Variants in MNAT1 observed in about 807,000 individuals in gnomAD.
The protein encoded by MNAT1 is MNAT1 component of CDK activating kinase, also known as CDK-activating kinase assembly factor MAT1.
In MNAT1, 43 loss-of-function variants were observed where a neutral mutation model predicts 42.0. That is an observed-to-expected ratio of 1.02 (90% confidence interval 0.80 to 1.32). The LOEUF is 1.32. Among genes scored for constraint, MNAT1 ranks in the 40% most tolerant of loss-of-function variants. The probability of loss-of-function intolerance (pLI) is 0.00; values close to 1 mark genes in which losing one functional copy is unlikely to be tolerated. For synonymous variants in MNAT1, 118 were observed against 120.0 expected (o/e 0.98, Z 0.11); for missense variants, 306 against 350.4 (o/e 0.87, Z 1.01).
At chr14:60,777,931 T>C (rs558444534) in intron 1 of MNAT1, among the ~76,000 whole-genome samples, 4 of 152,224 alleles carry the variant, frequency 2.6e-5, no homozygotes, top group Non-Finnish European at 5.9e-5. Context: ...CTGAATTTAA[T>C]AGGCTGGGTT....
At chr14:60,776,443 C>G (rs2031253040) in intron 1 of MNAT1, among the ~76,000 whole-genome samples, 1 of 151,922 alleles carries the variant, frequency 6.6e-6, no homozygotes, top group Non-Finnish European at 1.5e-5. Flanking sequence ...TGAGGCAGTC[C>G]AAGGAATTAA....
intron 7 of MNAT1, among the ~76,000 whole-genome samples, chr14:60,937,407 G>T (rs1206267482): frequency 6.6e-6 from 1 of 152,170 alleles, no homozygotes; most frequent in Non-Finnish European, 1.5e-5. Context: ...TTTAGTATAA[G>T]GTGTAAGGAA....
chr14:60,938,057 G>GATTT (rs1403411969), intron 7 of MNAT1, among the ~76,000 whole-genome samples: 1 of 152,172 alleles, frequency 6.6e-6, no homozygotes, highest in Non-Finnish European at 1.5e-5. Flanking sequence ...GAATGGTTGT[G>GATTT]ATTTTTGCAC....
chr14:60,876,898 G>C (rs952551831), intron 6 of MNAT1, among the ~76,000 whole-genome samples: 2 of 151,998 alleles, frequency 1.3e-5, no homozygotes, highest in Non-Finnish European at 2.9e-5. Context: ...ATATGCATTG[G>C]TGTACAAATA....
chr14:60,815,329 C>T (rs1325894505), intron 5 of MNAT1, among the ~76,000 whole-genome samples: 1 of 151,882 alleles, frequency 6.6e-6, no homozygotes, highest in Admixed American at 6.6e-5. Flanking sequence ...AATTCTTTGC[C>T]TTAGCCTCCC....
At chr14:60,784,753 G>A (rs1034435795) in intron 1 of MNAT1, among the ~76,000 whole-genome samples, 2 of 151,736 alleles carry the variant, frequency 1.3e-5, no homozygotes, top group Non-Finnish European at 1.5e-5. Flanking sequence ...ATGAGCCACC[G>A]TGCCAGGCAA....
intron 7 of MNAT1, among the ~76,000 whole-genome samples, chr14:60,952,807 A>G (rs1269881167): frequency 1.3e-5 from 2 of 152,204 alleles, no homozygotes; most frequent in East Asian, 3.9e-4. Context: ...CAGAAGCATT[A>G]AATGAAGCCA....
intron 5 of MNAT1, among the ~76,000 whole-genome samples, chr14:60,812,383 G>A (rs915587507): frequency 6.6e-6 from 1 of 152,210 alleles, no homozygotes; most frequent in African/African-American, 2.4e-5. Flanking sequence ...GGGCTTTTCT[G>A]CTTCCCTAAT....
At chr14:60,803,500 T>C (rs1295766270) in intron 3 of MNAT1, among the ~76,000 whole-genome samples, 4 of 152,196 alleles carry the variant, frequency 2.6e-5, no homozygotes, top group African/African-American at 9.6e-5. Context: ...TGCCCAAGAC[T>C]GCATTGCTAG....
At chr14:60,795,288 T>C (rs1289671580) in intron 1 of MNAT1, among the ~76,000 whole-genome samples, 1 of 152,132 alleles carries the variant, frequency 6.6e-6, no homozygotes, top group Non-Finnish European at 1.5e-5. Context: ...CCATCCATCT[T>C]TGTAACCTGC....
intron 1 of MNAT1, among the ~76,000 whole-genome samples, chr14:60,744,222 C>T (rs1156994051): frequency 1.3e-5 from 2 of 152,094 alleles, no homozygotes; most frequent in Non-Finnish European, 2.9e-5. Context: ...ACCTCCACCT[C>T]TTAGGTTCAA....
chr14:60,874,034 A>T (rs2034384324), intron 6 of MNAT1, among the ~76,000 whole-genome samples: 1 of 152,226 alleles, frequency 6.6e-6, no homozygotes, highest in Non-Finnish European at 1.5e-5. Flanking sequence ...AGATGGTATT[A>T]CTAGGTCAAA....
chr14:60,901,453 A>C (rs2035071211), intron 7 of MNAT1, among the ~76,000 whole-genome samples: 2 of 152,194 alleles, frequency 1.3e-5, no homozygotes, highest in African/African-American at 4.8e-5. Flanking sequence ...TTGACTTTTC[A>C]GTCTTGTTAT....
At chr14:60,873,966 G>A (rs1165210045) in intron 6 of MNAT1, among the ~76,000 whole-genome samples, 3 of 152,020 alleles carry the variant, frequency 2.0e-5, no homozygotes, top group Non-Finnish European at 4.4e-5. Context: ...AAACTGTGAT[G>A]AACAGACATG....
intron 1 of MNAT1, 114 bp from the exon 2 acceptor site, chr14:60,796,102 TA>T: frequency 1.2e-6 from 1 of 835,560 alleles, no homozygotes; most frequent in African/African-American, 1.8e-5. Flanking sequence ...AGATTTTAAA[TA>T]GAAGTGACTA....
At chr14:60,925,089 A>G (rs1196639028) in intron 7 of MNAT1, among the ~76,000 whole-genome samples, 1 of 152,170 alleles carries the variant, frequency 6.6e-6, no homozygotes. Flanking sequence ...ATTTGGGGAG[A>G]AAAACAATAG....
chr14:60,805,998 A>G (rs1251206891), intron 3 of MNAT1, among the ~76,000 whole-genome samples: 1 of 152,214 alleles, frequency 6.6e-6, no homozygotes, highest in African/African-American at 2.4e-5. Flanking sequence ...CCCACCAGCA[A>G]GGAATGAGAG....
chr14:60,796,739 G>T (rs528449948), intron 2 of MNAT1, among the ~76,000 whole-genome samples: 2 of 152,224 alleles, frequency 1.3e-5, no homozygotes, highest in Non-Finnish European at 2.9e-5. Flanking sequence ...CCATACAGTA[G>T]CATAGGATAG....
In MNAT1 at chr14:60,808,338, C is replaced by A; in HGVS notation, c.330C>A (p.Thr110=). The change falls in exon 4 of 8, where the codon ACC becomes ACA. Residue 110 remains threonine (T), a synonymous_variant. Coordinates refer to ENST00000261245, the MANE Select transcript of MNAT1 (RefSeq NM_002431.4). The stretch of plus-strand genomic sequence containing the variant: ...TTTCTAATGCAGTTTTCAACTTGAC[C>A]AACAATGTGGATTTGGACAACACCA... ...EEVEEIVFNL[T]NNVDLDNTKK... is the part of the protein sequence containing the mutation. The A allele has an allele frequency of 6.4e-7, 1 of 1,567,608 alleles. No individual in the cohort carries two copies. Among genetic ancestry groups the A allele is most frequent in the East Asian group, 2.3e-5 (1 of 42,658 alleles).
Sources: allele counts gnomAD v4.1 joint callset (sites outside exome capture counted in the v4.1 genomes callset), GRCh38; gene constraint gnomAD v4.1.1; transcripts MANE v1.5; gene names NCBI Gene and HGNC (gene_info 2026-07-23, HGNC 2026-07-21).